SEMA6D: variants seen among roughly 807,000 people sequenced by gnomAD.
SEMA6D encodes the protein semaphorin 6D.
A neutral mutation model predicts 106.6 loss-of-function variants in SEMA6D; 35 were observed. That is an observed-to-expected ratio of 0.33 (90% CI 0.25 to 0.44). The LOEUF is 0.44. Ranked by LOEUF, SEMA6D falls within the 20% of genes least tolerant of loss-of-function variation. SEMA6D has a pLI of 1.00. For missense variants in SEMA6D, 1,185 were observed against 1,345.9 expected (o/e 0.88, Z 1.87); for synonymous variants, 499 against 487.7 (o/e 1.02, Z -0.31).
intron 1 of SEMA6D, among the ~76,000 whole-genome samples, chr15:47,329,965 G>A (rs1298277314): frequency 1.3e-5 from 2 of 152,172 alleles, no homozygotes; most frequent in African/African-American, 4.8e-5. Flanking sequence ...CACTTGGTAA[G>A]GTGACAGATT....
intron 1 of SEMA6D, among the ~76,000 whole-genome samples, chr15:47,343,472 G>C (rs948109097): frequency 2.0e-4 from 30 of 147,136 alleles, no homozygotes; most frequent in Non-Finnish European, 3.9e-4. Context: ...TGTTCTCATT[G>C]TTCAATTCCC....
At chr15:47,542,722 T>C (rs1191412899) in intron 3 of SEMA6D, among the ~76,000 whole-genome samples, 2 of 152,160 alleles carry the variant, frequency 1.3e-5, no homozygotes, top group African/African-American at 4.8e-5. Flanking sequence ...CAATACTATA[T>C]AGAATATGCC....
At chr15:47,762,372 T>G (rs1481703481) in intron 8 of SEMA6D, 53 bp downstream of exon 8, 1 of 1,599,496 alleles carries the variant, frequency 6.3e-7, no homozygotes. Flanking sequence ...ATGGCCCAAG[T>G]GGGGACAGCA....
At position 47,762,323 on chromosome 15, in the gene SEMA6D, C is replaced by A. The variant is rs377509925; in HGVS notation, c.658+4C>A. Reference sequence around the variant, plus strand: ...TATGATTCCAAATGGATAAAAGGTACCTTTGAAGAGCAGTGTCGTGGGGTC... The same window carrying A: ...TATGATTCCAAATGGATAAAAGGTAACTTTGAAGAGCAGTGTCGTGGGGTC... On this transcript the variant is annotated splice_donor_region_variant and intron_variant, in intron 8 of 18. Coordinates refer to ENST00000536845, the MANE Select transcript of SEMA6D (RefSeq NM_001358351.3). 43 of 1,612,768 alleles carry A rather than the reference C, an allele frequency of 2.7e-5. No homozygotes were observed. The highest frequency in any genetic ancestry group is 1.5e-4 in the Admixed American group (9 of 59,976).
rs146316507 is a variant in SEMA6D at position 47,575,928 on chromosome 15, C to T, written c.-86-24937C>T. Among the ~76,000 whole-genome samples the T allele has an allele frequency of 2.1e-3, 326 of 152,316 alleles. 1 individual carries two copies. The highest frequency in any genetic ancestry group is 7.7e-3 in the African/African-American group (320 of 41,576). On this transcript the variant is annotated intron_variant, in intron 3 of 19. Transcript: ENST00000558014. ...CATATTATTTAAAAATACAGACCAT[C>T]CTTTCTGCTCCCCAGTCTTACTGGT...
At chr15:47,268,102 G>T (rs1289214149) in intron 1 of SEMA6D, among the ~76,000 whole-genome samples, 5 of 152,070 alleles carry the variant, frequency 3.3e-5, no homozygotes, top group Non-Finnish European at 7.4e-5. Context: ...AGTTTAACGA[G>T]GTCCCCAGGT....
intron 1 of SEMA6D, among the ~76,000 whole-genome samples, chr15:47,362,164 G>A (rs1050084778): frequency 6.6e-6 from 1 of 152,172 alleles, no homozygotes; most frequent in Middle Eastern, 3.2e-3. Flanking sequence ...GCATGCATGG[G>A]ATGGAGACAC....
At chr15:47,297,142 G>C (rs2035835458) in intron 1 of SEMA6D, among the ~76,000 whole-genome samples, 1 of 152,140 alleles carries the variant, frequency 6.6e-6, no homozygotes, top group African/African-American at 2.4e-5. Context: ...ATCAGTTGAT[G>C]TATAGTGGAA....
chr15:47,681,046 C>T (rs1031405869), intron 4 of SEMA6D, among the ~76,000 whole-genome samples: 2 of 152,174 alleles, frequency 1.3e-5, no homozygotes, highest in Non-Finnish European at 2.9e-5. Flanking sequence ...CAAACTAAAA[C>T]TAGAACTACT....
chr15:47,252,971 A>G (rs1483522887), intron 1 of SEMA6D, among the ~76,000 whole-genome samples: 5 of 152,008 alleles, frequency 3.3e-5, no homozygotes, highest in African/African-American at 4.8e-5. Context: ...AGGAATCTCC[A>G]TACTGTTTTC....
intron 2 of SEMA6D, among the ~76,000 whole-genome samples, chr15:47,464,391 C>T (rs749829295): frequency 1.3e-5 from 2 of 152,050 alleles, no homozygotes; most frequent in Non-Finnish European, 2.9e-5. Flanking sequence ...CATATGTGCT[C>T]GTTAAGAAAA....
rs1435044914 is a variant in SEMA6D at position 47,193,513 on chromosome 15, G to A, written c.-239+9095G>A. On this transcript the variant is annotated intron_variant, in intron 1 of 19. Transcript: ENST00000558014. ...ACTGAACCTTATGTTTTAGCTGTTT[G>A]TCAAGGCCGAAATTGGATTATACTC... 3.9e-5 allele frequency among the ~76,000 whole-genome samples: 6 copies of A among 152,218 alleles called. No individual in the cohort carries two copies. The South Asian group carries it at 1.0e-3, about 26-fold the overall frequency.
chr15:47,681,953 C>A, intron 4 of SEMA6D, among the ~76,000 whole-genome samples: 1 of 151,994 alleles, frequency 6.6e-6, no homozygotes, highest in East Asian at 1.9e-4. Context: ...TAAAAAAAAG[C>A]TTTTAGGTTC....
chr15:47,243,194 G>A (rs764720397), intron 1 of SEMA6D, among the ~76,000 whole-genome samples: 10 of 152,098 alleles, frequency 6.6e-5, no homozygotes, highest in Non-Finnish European at 1.2e-4. Flanking sequence ...AAGAGGATTC[G>A]AAGTAGAAGA....
chr15:47,529,804 A>G (rs1279395591), intron 3 of SEMA6D, among the ~76,000 whole-genome samples: 1 of 152,122 alleles, frequency 6.6e-6, no homozygotes, highest in East Asian at 1.9e-4. Flanking sequence ...ATTTTTCAAA[A>G]CCTACATTTT....
At chr15:47,357,116 C>T (rs577440054) in intron 1 of SEMA6D, among the ~76,000 whole-genome samples, 9 of 151,942 alleles carry the variant, frequency 5.9e-5, no homozygotes, top group Admixed American at 2.6e-4. Flanking sequence ...GGGCGGATCA[C>T]GAGGTCAGGA....
intron 2 of SEMA6D, among the ~76,000 whole-genome samples, chr15:47,418,611 C>T (rs1254289871): frequency 2.0e-5 from 3 of 152,062 alleles, no homozygotes; most frequent in African/African-American, 7.2e-5. Flanking sequence ...CCTCTTGATA[C>T]CATCACCTAA....
chr15:47,427,614 T>A (rs1290124507), intron 2 of SEMA6D, among the ~76,000 whole-genome samples: 1 of 152,126 alleles, frequency 6.6e-6, no homozygotes, highest in East Asian at 1.9e-4. Context: ...ATTACAAATA[T>A]TTGCTAAATA....
At chr15:47,232,255 T>A (rs887319545) in intron 1 of SEMA6D, among the ~76,000 whole-genome samples, 3 of 152,040 alleles carry the variant, frequency 2.0e-5, no homozygotes, top group Non-Finnish European at 4.4e-5. Context: ...CATCAGTCAA[T>A]AAACATTTAG....
Sources: allele counts gnomAD v4.1 joint callset (sites outside exome capture counted in the v4.1 genomes callset), GRCh38; gene constraint gnomAD v4.1.1; transcripts MANE v1.5; gene names NCBI Gene and HGNC (gene_info 2026-07-23, HGNC 2026-07-21).